Variants in KLHL13 observed in about 807,000 individuals in gnomAD.
The protein encoded by KLHL13 is kelch-like protein 13.
KLHL13 carries 10 observed loss-of-function variants against 37.1 expected under a neutral mutation model. The ratio of observed to expected loss-of-function variants is 0.27; its 90% confidence interval spans 0.17 to 0.46. The LOEUF (loss-of-function observed/expected upper bound fraction) is 0.46. Among genes scored for constraint, KLHL13 ranks in the 20% least tolerant of loss-of-function variants. The pLI, the probability that KLHL13 is intolerant of heterozygous loss-of-function variation, is 1.00. For missense variants in KLHL13, 360 were observed against 509.3 expected (o/e 0.71, Z 2.82); for synonymous variants, 163 against 181.2 (o/e 0.90, Z 0.81).
intron 2 of KLHL13, among the ~76,000 whole-genome samples, chrX:117,944,637 T>C (rs1933229103): frequency 1.8e-5 from 2 of 111,342 alleles, no homozygotes; most frequent in Admixed American, 1.9e-4. Context: ...AAAGGCAAAT[T>C]TTCCTTATCT....
exon 5 of KLHL13, chrX:117,909,709 T>C (rs774962583): frequency 8.3e-7 from 1 of 1,210,713 alleles, no homozygotes; most frequent in African/African-American, 1.7e-5. Flanking sequence ...TATGGCATCA[T>C]TTGGTAATTG....
At chrX:117,936,485 T>A (rs1302940455) in intron 2 of KLHL13, among the ~76,000 whole-genome samples, 1 of 112,259 alleles carries the variant, frequency 8.9e-6, no homozygotes, top group Admixed American at 9.4e-5. Flanking sequence ...CTTCTTTTTT[T>A]ATTATATAAT....
At chrX:118,028,035 T>A (rs748093167) in intron 1 of KLHL13, among the ~76,000 whole-genome samples, 108 of 111,915 alleles carry the variant, frequency 9.7e-4, no homozygotes, top group Non-Finnish European at 1.5e-3. Context: ...TTAAATAATA[T>A]AAATATATAC....
intron 2 of KLHL13, among the ~76,000 whole-genome samples, chrX:117,923,293 T>A (rs1274957811): frequency 3.6e-5 from 4 of 112,099 alleles, no homozygotes; most frequent in African/African-American, 6.5e-5. Context: ...TTAAAGGATT[T>A]GATTTTTCTT....
intron 1 of KLHL13, among the ~76,000 whole-genome samples, chrX:118,039,448 A>C (rs2148053867): frequency 8.9e-6 from 1 of 111,994 alleles, no homozygotes; most frequent in South Asian, 3.8e-4. Context: ...GTAGCTAGAT[A>C]GTACTCATTA....
At chrX:118,032,265 T>A (rs917354860) in intron 1 of KLHL13, among the ~76,000 whole-genome samples, 5 of 112,311 alleles carry the variant, frequency 4.5e-5, no homozygotes, top group African/African-American at 1.6e-4. Context: ...TGCCTGCCTC[T>A]GCAGGCTCCA....
At chrX:118,097,752 C>G (rs983035193) in intron 1 of KLHL13, among the ~76,000 whole-genome samples, 1 of 111,255 alleles carries the variant, frequency 9.0e-6, no homozygotes, top group Non-Finnish European at 1.9e-5. Context: ...TGGAACAGAA[C>G]AGAGCCCTCA....
At chrX:118,044,433 GAA>G (rs145656367) in intron 1 of KLHL13, among the ~76,000 whole-genome samples, 1 of 82,878 alleles carries the variant, frequency 1.2e-5, no homozygotes, top group African/African-American at 4.5e-5. Context: ...TTACTCTGAG[GAA>G]AAAAAAAAAA....
At chrX:117,959,772 C>T (rs1314862312) in intron 1 of KLHL13, among the ~76,000 whole-genome samples, 1 of 111,044 alleles carries the variant, frequency 9.0e-6, no homozygotes, top group African/African-American at 3.3e-5. Context: ...TCTCATTGAT[C>T]AGTGAAAAGC....
chrX:118,020,437 G>A (rs766111798), intron 1 of KLHL13, among the ~76,000 whole-genome samples: 3 of 101,660 alleles, frequency 3.0e-5, no homozygotes, highest in African/African-American at 1.4e-4. Flanking sequence ...CAAAACCACA[G>A]TAAGATACCA....
chrX:118,089,109 A>T (rs769787503), intron 1 of KLHL13, among the ~76,000 whole-genome samples: 1 of 111,604 alleles, frequency 9.0e-6, no homozygotes, highest in African/African-American at 3.3e-5. Context: ...CACTACAGAA[A>T]AAAATATGGC....
chrX:118,091,360 A>AAAGATTTT (rs2055132325), intron 1 of KLHL13, among the ~76,000 whole-genome samples: 1 of 112,101 alleles, frequency 8.9e-6, no homozygotes, highest in African/African-American at 3.2e-5. Flanking sequence ...TAGCCATCAT[A>AAAGATTTT]AAAATGCTTC....
chrX:118,032,504 ACT>A (rs1306589583), intron 1 of KLHL13, among the ~76,000 whole-genome samples: 1 of 111,810 alleles, frequency 8.9e-6, no homozygotes, highest in Non-Finnish European at 1.9e-5. Context: ...AGGGCCAGGT[ACT>A]CCAACAGACC....
intron 1 of KLHL13, among the ~76,000 whole-genome samples, chrX:117,962,210 C>CAAA (rs113774341): frequency 7.2e-4 from 59 of 82,269 alleles, no homozygotes; most frequent in African/African-American, 2.5e-3. Context: ...ATCCCCATCT[C>CAAA]AAAAAAAAAA....
chrX:117,985,102 C>A (rs1321010422), intron 1 of KLHL13: 2 of 379,376 alleles, frequency 5.3e-6, no homozygotes, highest in East Asian at 4.2e-5. Context: ...GCATGGTTAC[C>A]AATATGTCTC....
chrX:117,947,667 C>A (rs778772836), intron 1 of KLHL13: 2 of 112,299 alleles, frequency 1.8e-5, no homozygotes, highest in East Asian at 5.6e-4. Flanking sequence ...GAAGCCTGGA[C>A]TAAAATTATC....
chrX:118,081,740 C>T lies in KLHL13; in HGVS notation c.-56+34768G>A, dbSNP rs180907129. ...CACATTAACCAACCTCTCTTCATTCCTCCTGCTACCCTTCCCAACCTCTAG... is the reference window on the plus strand; with the variant it reads ...CACATTAACCAACCTCTCTTCATTCTTCCTGCTACCCTTCCCAACCTCTAG... On this transcript the variant is annotated intron_variant, in intron 1 of 6. Coordinates refer to the KLHL13 transcript ENST00000371882. 3.6e-5 allele frequency among the ~76,000 whole-genome samples: 4 copies of T among 111,149 alleles called. No homozygotes were observed. In the East Asian group the frequency reaches 1.1e-3, roughly 31 times the overall value.
chrX:118,018,611 T>C (rs1302898666), intron 1 of KLHL13, among the ~76,000 whole-genome samples: 2 of 111,677 alleles, frequency 1.8e-5, no homozygotes, highest in Non-Finnish European at 3.8e-5. Context: ...ATAATGTATC[T>C]CTTCTTAGCA....
intron 2 of KLHL13, among the ~76,000 whole-genome samples, chrX:117,925,488 A>C (rs979788164): frequency 4.5e-5 from 5 of 112,314 alleles, no homozygotes; most frequent in African/African-American, 1.6e-4. Flanking sequence ...AAACAATACC[A>C]GCCATGTTTT....
Sources: allele counts gnomAD v4.1 joint callset (sites outside exome capture counted in the v4.1 genomes callset), GRCh38; gene constraint gnomAD v4.1.1; transcripts MANE v1.5; gene names NCBI Gene and HGNC (gene_info 2026-07-23, HGNC 2026-07-21).